Variants in GLIS3 observed in about 807,000 individuals in gnomAD.
GLIS3 encodes GLIS family zinc finger 3.
GLIS3 carries 53 observed loss-of-function variants against 78.6 expected under a neutral mutation model. The observed-to-expected ratio is 0.67, with a 90% CI of 0.54 to 0.85. GLIS3 has a LOEUF of 0.85. Ranked by LOEUF, GLIS3 falls within the 40% of genes least tolerant of loss-of-function variation. GLIS3 has a pLI of 0.00. For synonymous variants in GLIS3, 684 were observed against 509.9 expected, an observed-to-expected ratio of 1.34 and a Z score of -4.60; for missense variants, 1,703 against 1,231.1, an observed-to-expected ratio of 1.38 and a Z score of -5.74.
At chr9:3,852,361 G>T (rs1819488223) in intron 9 of GLIS3, among the ~76,000 whole-genome samples, 1 of 152,106 alleles carries the variant, frequency 6.6e-6, no homozygotes. Flanking sequence ...AAACCACGAA[G>T]TTTTTGAAAG....
At chr9:4,059,417 G>A (rs1471924955) in intron 4 of GLIS3, among the ~76,000 whole-genome samples, 1 of 152,210 alleles carries the variant, frequency 6.6e-6, no homozygotes, top group Admixed American at 6.5e-5. Flanking sequence ...AAAACTGCCA[G>A]AGTGCCATGA....
At chr9:3,981,383 C>T (rs1588377438) in intron 4 of GLIS3, among the ~76,000 whole-genome samples, 1 of 152,166 alleles carries the variant, frequency 6.6e-6, no homozygotes, top group East Asian at 1.9e-4. Context: ...ACTCTAGCTT[C>T]CAAGGCTGTA....
At chr9:4,143,232 C>G (rs538457686) in intron 2 of GLIS3, among the ~76,000 whole-genome samples, 1 of 151,748 alleles carries the variant, frequency 6.6e-6, no homozygotes, top group East Asian at 1.9e-4. Context: ...CATGTGCGCA[C>G]GTGTGTATTT....
chr9:4,237,483 A>G (rs1822874720), intron 2 of GLIS3, among the ~76,000 whole-genome samples: 1 of 152,244 alleles, frequency 6.6e-6, no homozygotes, highest in African/African-American at 2.4e-5. Flanking sequence ...TGAAATCGCT[A>G]CTTCAGGCTC....
chr9:4,297,175 A>C (rs1816606757), intron 1 of GLIS3, among the ~76,000 whole-genome samples: 1 of 152,172 alleles, frequency 6.6e-6, no homozygotes, highest in South Asian at 2.1e-4. Flanking sequence ...AACAAGACAG[A>C]GGGTGAAACA....
intron 2 of GLIS3, among the ~76,000 whole-genome samples, chr9:4,338,060 G>T (rs184475019): frequency 1.0e-3 from 149 of 142,436 alleles, no homozygotes; most frequent in Non-Finnish European, 1.7e-3. Context: ...GTGTGTGTGT[G>T]TGTTTAGTTT....
At chr9:4,417,082 T>C in the GLIS3 span, among the ~76,000 whole-genome samples, 1 of 152,146 alleles carries the variant, frequency 6.6e-6, no homozygotes, top group Non-Finnish European at 1.5e-5. Context: ...AGTTTATCAC[T>C]GGAGACAGGC....
intron 2 of GLIS3, among the ~76,000 whole-genome samples, chr9:4,137,839 C>A (rs1185981719): frequency 1.3e-5 from 2 of 152,190 alleles, no homozygotes; most frequent in African/African-American, 4.8e-5. Context: ...AGTTCACCAA[C>A]AATTAGCCTG....
chr9:3,855,060 A>T (rs186368132), intron 9 of GLIS3, among the ~76,000 whole-genome samples: 58 of 152,330 alleles, frequency 3.8e-4, no homozygotes, highest in African/African-American at 1.4e-3. Flanking sequence ...CATTCAGCCT[A>T]AAAGGACAGT....
chr9:3,888,973 T>A (rs1822254200), intron 7 of GLIS3, among the ~76,000 whole-genome samples: 1 of 152,192 alleles, frequency 6.6e-6, no homozygotes, highest in South Asian at 2.1e-4. Context: ...ACTAGATGGG[T>A]CCCTAAAGTT....
At chr9:4,371,777 CA>C in the GLIS3 span, among the ~76,000 whole-genome samples, 1 of 152,232 alleles carries the variant, frequency 6.6e-6, no homozygotes, top group Non-Finnish European at 1.5e-5. Context: ...CCATCTCCTA[CA>C]AAATGAATTT....
chr9:3,828,967 C>T (rs980043658), intron 10 of GLIS3, among the ~76,000 whole-genome samples: 4 of 152,012 alleles, frequency 2.6e-5, no homozygotes, highest in Non-Finnish European at 5.9e-5. Context: ...TATATTTGAG[C>T]AGAAAAGAGG....
At chr9:3,931,305 A>G (rs1825596236) in intron 6 of GLIS3, among the ~76,000 whole-genome samples, 2 of 152,182 alleles carry the variant, frequency 1.3e-5, no homozygotes, top group Non-Finnish European at 2.9e-5. Flanking sequence ...ATCTCAAGTA[A>G]CAAGAAGACT....
intron 2 of GLIS3, among the ~76,000 whole-genome samples, chr9:4,134,119 A>G (rs1270885153): frequency 1.3e-5 from 2 of 152,170 alleles, no homozygotes; most frequent in East Asian, 1.9e-4. Flanking sequence ...CCTCTCAACC[A>G]TACCCTTTTA....
intron 2 of GLIS3, among the ~76,000 whole-genome samples, chr9:4,323,821 G>T (rs1394833986): frequency 6.6e-6 from 1 of 152,216 alleles, no homozygotes. Context: ...TAGGGGCGCA[G>T]CAGAAGTTGC....
chr9:4,212,027 G>C (rs1387343323), intron 2 of GLIS3, among the ~76,000 whole-genome samples: 1 of 152,170 alleles, frequency 6.6e-6, no homozygotes, highest in Non-Finnish European at 1.5e-5. Flanking sequence ...GTGGGAAAGA[G>C]GATTAACTGT....
intron 4 of GLIS3, among the ~76,000 whole-genome samples, chr9:4,064,529 G>C (rs1043759514): frequency 2.0e-5 from 3 of 152,146 alleles, no homozygotes; most frequent in African/African-American, 7.2e-5. Flanking sequence ...TTATAATAAT[G>C]GTTATGCAAG....
intron 4 of GLIS3, among the ~76,000 whole-genome samples, chr9:4,006,764 C>G (rs572106530): frequency 1.5e-4 from 23 of 152,306 alleles, no homozygotes; most frequent in African/African-American, 5.5e-4. Context: ...GCTCTTTCTT[C>G]TAAAGACCAA....
chr9:4,047,765 G>GA (rs1432132170), intron 4 of GLIS3, among the ~76,000 whole-genome samples: 5 of 152,152 alleles, frequency 3.3e-5, no homozygotes, highest in African/African-American at 1.2e-4. Context: ...GTTGATTCAG[G>GA]AATGTTCTGG....
Sources: gnomAD v4.1 joint callset for allele counts (sites outside exome capture counted in the v4.1 genomes callset) on GRCh38, gnomAD v4.1.1 for gene constraint, MANE v1.5 for transcripts, NCBI Gene and HGNC (gene_info 2026-07-23, HGNC 2026-07-21) for gene names.